The following ZDHHC6 variants were observed in gnomAD, a reference collection of about 807,000 sequenced individuals.
ZDHHC6 encodes the protein zDHHC palmitoyltransferase 6.
In ZDHHC6, 32 loss-of-function variants were observed where a neutral mutation model predicts 57.8. That is an observed-to-expected ratio of 0.55 (90% CI 0.42 to 0.74). The LOEUF is 0.74. ZDHHC6 is among the 30% of genes least tolerant of loss of function. ZDHHC6 has a pLI of 0.00. For missense variants in ZDHHC6, 433 were observed against 500.7 expected, an observed-to-expected ratio of 0.86 and a Z score of 1.29; for synonymous variants, 128 against 158.0, an observed-to-expected ratio of 0.81 and a Z score of 1.42.
chr10:112,432,741 T>C (rs1308926569), intron 8 of ZDHHC6, among the ~76,000 whole-genome samples: 1 of 152,138 alleles, frequency 6.6e-6, no homozygotes, highest in East Asian at 1.9e-4. Flanking sequence ...TTCAAGCCCA[T>C]AGCTAAGAAT....
downstream of ZDHHC6, chr10:112,428,352 T>A (rs1413419030): frequency 5.0e-6 from 2 of 398,342 alleles, no homozygotes; most frequent in East Asian, 3.6e-5. Flanking sequence ...AAATGTAAAG[T>A]CTTTAAAATA....
chr10:112,425,671 T>C (rs1233752780), downstream of ZDHHC6: 4 of 495,608 alleles, frequency 8.1e-6, no homozygotes, highest in Non-Finnish European at 1.4e-5. Flanking sequence ...TTCAAAACTA[T>C]GATGGACGTT....
chr10:112,431,155 T>C (rs1447528577), intron 10 of ZDHHC6, among the ~76,000 whole-genome samples: 1 of 152,170 alleles, frequency 6.6e-6, no homozygotes, highest in African/African-American at 2.4e-5. Context: ...TAAAGACAGC[T>C]CCTAACTAGA....
rs777260375 is a variant in ZDHHC6 at position 112,445,419 on chromosome 10, C to T, written c.18G>A (p.Ser6=). Residue 6 remains serine, a synonymous_variant, in exon 2 of 11, where the codon TCG becomes TCA. Transcript: ENST00000369405. ...CTTGTAGATTTTCAAACTTGATAAC[C>T]GAACAGAATGTACCCATTTTGGCAA... MGTFC[S]VIKFENLQEL... 54 of 1,613,942 alleles carry T rather than the reference C, an allele frequency of 3.3e-5. No individual in the cohort carries two copies. Among genetic ancestry groups the T allele is most frequent in the South Asian group, 1.1e-4 (10 of 91,074 alleles).
intron 10 of ZDHHC6, 38 bp downstream of exon 10, chr10:112,432,200 AAT>A: frequency 6.4e-7 from 1 of 1,559,692 alleles, no homozygotes; most frequent in Non-Finnish European, 8.6e-7. Context: ...AATTATTGCT[AAT>A]AGTCTTGTCC....
rs529708658 is a variant in ZDHHC6 at position 112,445,626 on chromosome 10, C to T, written c.-190G>A. The T allele has an allele frequency of 1.5e-6, 1 of 680,776 alleles. No individual in the cohort carries two copies. The highest frequency in any genetic ancestry group is 2.7e-5 in the East Asian group (1 of 36,522). The allele number at this position is 680,776 out of a possible 1,614,324, so 42.2% of individuals were successfully genotyped here. A position where few individuals can be genotyped will look rare whatever the true frequency, so the allele number is the denominator to read the frequency against. ...AGCTCTTTATCTTAACTAGGAGAAT[C>T]CAGTGTCTTGGTCTGAAACCCAACC... is the stretch of plus-strand genomic sequence containing the variant. On this transcript the variant is annotated 5_prime_UTR_variant, in exon 2 of 11. An upstream open reading frame in the 5' UTR gains an earlier in-frame stop. Coordinates refer to ENST00000369405, the MANE Select transcript of ZDHHC6 (RefSeq NM_022494.3).
Position 112,430,819 on chromosome 10 carries a change from C to T in ZDHHC6, c.1227G>A (p.Glu409=), listed in dbSNP as rs1184111383. 1.2e-6 allele frequency: 2 copies of T among 1,612,462 alleles called. No homozygotes were observed. The highest frequency in any genetic ancestry group is 1.1e-5 in the South Asian group (1 of 90,488). The change falls in exon 11 of 11, where the codon GAG becomes GAA. Residue 409 remains glutamate, a synonymous_variant. Coordinates refer to ENST00000369405, the MANE Select transcript of ZDHHC6 (RefSeq NM_022494.3). ...DAETDQAPEG[E]KKNR ...TTAACAGCAGCTATCTATTTTTCTT[C>T]TCCCCCTCTGGGGCTTGATCTGTTT...
chr10:112,445,536 T>C lies in ZDHHC6; in HGVS notation c.-100A>G, dbSNP rs2133960016. The stretch of plus-strand genomic sequence containing the variant: ...CCACAAGTCCATGTGTGTTCTTTAA[T>C]TGTCATGCCTTCAAGCTGTGAACTG... On this transcript the variant is annotated 5_prime_UTR_variant, in exon 2 of 11. Transcript: ENST00000369405. 7.4e-7 allele frequency: 1 copy of C among 1,350,328 alleles called. No individual in the cohort carries two copies. Among genetic ancestry groups the C allele is most frequent in the Non-Finnish European group, 1.0e-6 (1 of 994,840 alleles). 83.6% of individuals were successfully genotyped at this position (1,350,328 alleles called of 1,614,324 possible).
chr10:112,439,355 G>A (rs186551219), intron 5 of ZDHHC6, among the ~76,000 whole-genome samples: 38 of 151,946 alleles, frequency 2.5e-4, no homozygotes, highest in Admixed American at 1.4e-3. Context: ...TTTTTGGGCC[G>A]GGCACAGTGG....
exon 12 of ZDHHC6, chr10:112,425,230 T>C: frequency 1.9e-6 from 2 of 1,033,180 alleles, no homozygotes; most frequent in Non-Finnish European, 1.4e-6. Flanking sequence ...CAAAAGTCTC[T>C]GGAGAAATCA....
intron 6 of ZDHHC6, among the ~76,000 whole-genome samples, chr10:112,434,808 T>C (rs1341393282): frequency 3.9e-5 from 6 of 152,208 alleles, no homozygotes; most frequent in Non-Finnish European, 5.9e-5. Flanking sequence ...TTCAGGTATA[T>C]AGAAGGGATG....
Position 112,446,904 on chromosome 10 carries a change from G to C in ZDHHC6, c.-414C>G, listed in dbSNP as rs1380514020. On this transcript the variant is annotated 5_prime_UTR_variant, in exon 1 of 11. Coordinates refer to ENST00000369405, the MANE Select transcript of ZDHHC6 (RefSeq NM_022494.3). ...CGAGCACCTCTCGGCCAGCGCCCTC[G>C]CCAGGACTCTCCCGCTCAGGCCCCC... The C allele has an allele frequency of 1.0e-5, 2 of 194,620 alleles. 1 individual carries two copies. Among genetic ancestry groups the C allele is most frequent in the African/African-American group, 4.7e-5 (2 of 42,934 alleles). 12.1% of individuals were successfully genotyped at this position (194,620 alleles called of 1,614,324 possible).
downstream of ZDHHC6, among the ~76,000 whole-genome samples, chr10:112,426,098 T>TG (rs34341101): frequency 0.92 from 140,284 of 152,206 alleles, 64,743 homozygotes; most frequent in East Asian, 0.99. Context: ...TACAGTTCCA[T>TG]GGTGTTGAAA....
At position 112,439,669 on chromosome 10, in the gene ZDHHC6, A is replaced by AAAAAAAT. The variant is rs757796332; in HGVS notation, c.681+864_681+865insATTTTTT. On this transcript the variant is annotated intron_variant, in intron 5 of 10. Transcript: ENST00000369405. The stretch of plus-strand genomic sequence containing the variant: ...AAAAAAAAAAAAAAAAAAAAAAAAA[A>AAAAAAAT]GAATGAAAAAGAATGGTTTTTGGTC... 7.4e-5 allele frequency among the ~76,000 whole-genome samples: 8 copies of AAAAAAAT among 108,610 alleles called. 2 individuals carry two copies. Among genetic ancestry groups the AAAAAAAT allele is most frequent in the Admixed American group, 4.7e-4 (4 of 8,552 alleles). The allele number at this position is 108,610 out of a possible 152,430, so 71.3% of individuals were successfully genotyped here.
At position 112,445,606 on chromosome 10, in the gene ZDHHC6, T is replaced by C; in HGVS notation, c.-170A>G. 1.3e-6 allele frequency: 1 copy of C among 767,156 alleles called. No individual in the cohort carries two copies. The highest frequency in any genetic ancestry group is 2.0e-6 in the Non-Finnish European group (1 of 496,952). The allele number at this position is 767,156 out of a possible 1,614,324, so 47.5% of individuals were successfully genotyped here. A position where few individuals can be genotyped will look rare whatever the true frequency, so the allele number is the denominator to read the frequency against. On this transcript the variant is annotated 5_prime_UTR_variant, in exon 2 of 11. Transcript: ENST00000369405. ...TTTCACTGTCAGGCACCCAAAGCTC[T>C]TTATCTTAACTAGGAGAATCCAGTG...
exon 12 of ZDHHC6, chr10:112,424,930 A>C (rs1417144292): frequency 6.5e-6 from 1 of 153,680 alleles, no homozygotes; most frequent in Non-Finnish European, 1.4e-5. Context: ...CAGGGAGTCA[A>C]GTGGTGGGAG....
chr10:112,445,511 C>A lies in ZDHHC6; in HGVS notation c.-75G>T, dbSNP rs1453550992. ...TTTTCTGTGCGCACATTTCCATGTG[C>A]CACAAGTCCATGTGTGTTCTTTAAT... On this transcript the variant is annotated 5_prime_UTR_variant, in exon 2 of 11. Transcript: ENST00000369405. 2.7e-6 allele frequency: 4 copies of A among 1,499,352 alleles called. No homozygotes were observed. Among genetic ancestry groups the A allele is most frequent in the African/African-American group, 2.8e-5 (2 of 71,880 alleles). The allele number at this position is 1,499,352 out of a possible 1,614,324, so 92.9% of individuals were successfully genotyped here.
At chr10:112,447,384 A>C (rs761756569), upstream of ZDHHC6, 1 of 1,613,276 alleles carries the variant, frequency 6.2e-7, no homozygotes, top group Non-Finnish European at 8.5e-7. Context: ...ATGTCGTCCG[A>C]CTTCGAAGGT....
chr10:112,426,228 GC>G (rs1705498782), downstream of ZDHHC6: 1 of 1,575,588 alleles, frequency 6.3e-7, no homozygotes, highest in African/African-American at 1.4e-5. Context: ...CTTCTCTCAT[GC>G]CCTTGCACCT....
Sources: gnomAD v4.1 joint callset for allele counts (sites outside exome capture counted in the v4.1 genomes callset) on GRCh38, gnomAD v4.1.1 for gene constraint, MANE v1.5 for transcripts, NCBI Gene and HGNC (gene_info 2026-07-23, HGNC 2026-07-21) for gene names.